FAT4: variants seen among roughly 807,000 people sequenced by gnomAD.
FAT4 encodes protocadherin Fat 4.
FAT4 carries 84 observed loss-of-function variants against 303.9 expected under a neutral mutation model. That is an observed-to-expected ratio of 0.28 (90% CI 0.23 to 0.33). FAT4 has a LOEUF of 0.33. Among genes scored for constraint, FAT4 ranks in the 10% least tolerant of loss-of-function variants. The probability of loss-of-function intolerance (pLI) is 1.00; values close to 1 mark genes in which losing one functional copy is unlikely to be tolerated. For synonymous variants in FAT4, 2,307 were observed against 2,298.8 expected (o/e 1.00, Z -0.10); for missense variants, 6,005 against 6,146.8 (o/e 0.98, Z 0.77).
In FAT4 at chr4:125,317,120, A is replaced by G. The variant is rs778562902; in HGVS notation, c.709A>G (p.Asn237Asp). The G allele has an allele frequency of 1.9e-6, 3 of 1,613,776 alleles. No individual in the cohort carries two copies. In the Middle Eastern group the frequency reaches 5.0e-4, roughly 266 times the overall value. ...TAAGCGGCGGGGCTACCTTCAGGTA[A>G]ACGTGACTGTGCAAGACATTAATGA... ...EPKRRGYLQV[N>D]VTVQDINDNP... is the part of the protein sequence containing the mutation. The change falls in exon 2 of 18, where the codon AAC becomes GAC. Residue 237 changes from asparagine (N) to aspartate (D), a missense_variant. Coordinates refer to ENST00000394329, the MANE Select transcript of FAT4 (RefSeq NM_001291303.3). This position sits in a 1 kb window ranked among gnomAD's most constrained non-coding sequence, Gnocchi z 7.0.
intron 2 of FAT4, among the ~76,000 whole-genome samples, chr4:125,340,992 T>C (rs1055692795): frequency 2.0e-5 from 3 of 152,216 alleles, no homozygotes; most frequent in Non-Finnish European, 4.4e-5. Flanking sequence ...GTGTTATGTG[T>C]TGTTATGTAG....
chr4:125,449,933 A>G lies in FAT4; in HGVS notation c.8923A>G (p.Ile2975Val), dbSNP rs757188187. ...LISETTVTINIVDSNDNAPQF... is the reference protein window; with the variant it reads ...LISETTVTINVVDSNDNAPQF... Reference sequence around the variant, plus strand: ...TAGTGAGACAACAGTTACCATCAATATAGTGGACAGTAATGACAATGCACC... The same window carrying G: ...TAGTGAGACAACAGTTACCATCAATGTAGTGGACAGTAATGACAATGCACC... The change falls in exon 10 of 18, where the codon ATA (isoleucine) becomes GTA (valine). Residue 2975 changes from isoleucine (I) to valine (V), a missense_variant. Transcript: ENST00000394329. The G allele has an allele frequency of 4.3e-6, 7 of 1,613,904 alleles. No individual in the cohort carries two copies. The highest frequency in any genetic ancestry group is 5.9e-6 in the Non-Finnish European group (7 of 1,179,908).
In FAT4 at chr4:125,316,385, A is replaced by C. The variant is rs1201480657; in HGVS notation, c.-12-15A>C. The C allele has an allele frequency of 2.9e-5, 46 of 1,569,418 alleles. No homozygotes were observed. Among genetic ancestry groups the C allele is most frequent in the Non-Finnish European group, 3.7e-5 (43 of 1,156,216 alleles). ...TTTGCTTCACCCCTTCCTTCTCTTT[A>C]TCACATCGTTTTAGGGAGCCAGGAC... On this transcript the variant is annotated splice_polypyrimidine_tract_variant and intron_variant, in intron 1 of 17. Transcript: ENST00000394329. The surrounding 1 kb of genome is among the most constrained non-coding windows in gnomAD (Gnocchi z 5.7).
At chr4:125,489,870 T>TTTTTTTAAA in intron 17 of FAT4, 31 bp from the exon 18 acceptor site, 1 of 1,185,628 alleles carries the variant, frequency 8.4e-7, no homozygotes, top group Non-Finnish European at 1.1e-6. Flanking sequence ...TTTTTTTTTG[T>TTTTTTTAAA]AAAAAGCCTT....
Position 125,449,977 on chromosome 4 carries a change from AT to A in FAT4, c.8968del (p.Tyr2990IlefsTer15). The stretch of plus-strand genomic sequence containing the variant: ...ATGCACCTCAATTTCTTAAAAGTAA[AT>A]ATTTCACTCCAGTCACCAAAAATGT... Reference protein sequence around the residue: ...DNAPQFLKSKYFTPVTKNVKV... With the variant: ...DNAPQFLKSKXFTPVTKNVKV... On this transcript the variant is annotated frameshift_variant, in exon 10 of 18. Transcript: ENST00000394329. LOFTEE classifies it high-confidence loss of function. 1 of 1,613,864 alleles carries A rather than the reference AT, an allele frequency of 6.2e-7. No individual in the cohort carries two copies. The highest frequency in any genetic ancestry group is 8.5e-7 in the Non-Finnish European group (1 of 1,179,926).
intron 17 of FAT4, among the ~76,000 whole-genome samples, chr4:125,489,505 C>T (rs1183576773): frequency 6.6e-6 from 1 of 152,112 alleles, no homozygotes; most frequent in Non-Finnish European, 1.5e-5. Flanking sequence ...TGGCCTATTT[C>T]ATGTTCTTTA....
chr4:125,471,752 A>G (rs1357001203), intron 12 of FAT4, among the ~76,000 whole-genome samples: 1 of 151,852 alleles, frequency 6.6e-6, no homozygotes, highest in African/African-American at 2.4e-5. Flanking sequence ...TTGAGCCTTT[A>G]AAAGTGTAGT....
At chr4:125,352,732 T>G (rs1490857028) in intron 2 of FAT4, among the ~76,000 whole-genome samples, 1 of 151,588 alleles carries the variant, frequency 6.6e-6, no homozygotes, top group Non-Finnish European at 1.5e-5. Flanking sequence ...CTGCCAGTCT[T>G]CTTTGTAGGG....
chr4:125,328,397 G>A (rs770104207), intron 2 of FAT4, among the ~76,000 whole-genome samples: 73 of 152,274 alleles, frequency 4.8e-4, no homozygotes, highest in Admixed American at 1.0e-3. Context: ...CTAATTGGCA[G>A]ATAATTTATA....
chr4:125,408,439 G>T lies in FAT4; in HGVS notation c.5570-5G>T. The T allele has an allele frequency of 6.4e-7, 1 of 1,553,262 alleles. No individual in the cohort carries two copies. The highest frequency in any genetic ancestry group is 1.2e-5 in the South Asian group (1 of 83,368). ...TTTTATACTATTAATTTATTCTTTT[G>T]ATAGGTTCTTTGGTAGCAGCCATTT... On this transcript the variant is annotated splice_polypyrimidine_tract_variant and splice_region_variant and intron_variant, in intron 4 of 17. Coordinates refer to ENST00000394329, the MANE Select transcript of FAT4 (RefSeq NM_001291303.3).
At chr4:125,481,490 T>G (rs923563285) in intron 15 of FAT4, 31 bp from the exon 16 acceptor site, 11 of 1,597,522 alleles carry the variant, frequency 6.9e-6, no homozygotes, top group African/African-American at 2.7e-5. Context: ...AATGAATGCA[T>G]TCATTTTCCC....
chr4:125,433,800 A>G (rs890213016), intron 7 of FAT4, among the ~76,000 whole-genome samples: 2 of 152,202 alleles, frequency 1.3e-5, no homozygotes, highest in Non-Finnish European at 2.9e-5. Context: ...AATTTGTGAT[A>G]GTAACAATGA....
intron 2 of FAT4, among the ~76,000 whole-genome samples, chr4:125,361,715 G>A (rs113608199): frequency 0.062 from 9,405 of 152,208 alleles, 283 homozygotes; most frequent in Middle Eastern, 0.088. Flanking sequence ...TAGAATAGAG[G>A]AGATGTGGGA....
Position 125,448,986 on chromosome 4 carries a change from T to C in FAT4, c.7976T>C (p.Ile2659Thr). 2 of 1,613,914 alleles carry C rather than the reference T, an allele frequency of 1.2e-6. No homozygotes were observed. The highest frequency in any genetic ancestry group is 1.7e-6 in the Non-Finnish European group (2 of 1,179,888). Residue 2659 changes from isoleucine to threonine, a missense_variant, in exon 10 of 18, where the codon ATA (isoleucine) becomes ACA (threonine). By Grantham distance (89) the Ile-to-Thr change is moderately conservative. Transcript: ENST00000394329. Reference sequence around the variant, plus strand: ...TTCTCCTCTTACGAGAAACTTGATATAACAGTATTAGATGTCAATGATAAT... The same window carrying C: ...TTCTCCTCTTACGAGAAACTTGATACAACAGTATTAGATGTCAATGATAAT... ...PPFSSYEKLDITVLDVNDNAP... is the reference protein window; with the variant it reads ...PPFSSYEKLDTTVLDVNDNAP...
chr4:125,450,430 A>T lies in FAT4; in HGVS notation c.9420A>T (p.Ala3140=). 1 of 1,614,094 alleles carries T rather than the reference A, an allele frequency of 6.2e-7. No individual in the cohort carries two copies. Among genetic ancestry groups the T allele is most frequent in the Non-Finnish European group, 8.5e-7 (1 of 1,179,986 alleles). The change falls in exon 10 of 18, where the codon GCA becomes GCT. Residue 3140 remains alanine, a synonymous_variant. Transcript: ENST00000394329. ...CAGGAAATGAAGAAGGCATTTTTGCAATCAATTCTTCTACAGGTATATTAA... is the reference window on the plus strand; with the variant it reads ...CAGGAAATGAAGAAGGCATTTTTGCTATCAATTCTTCTACAGGTATATTAA... ...ISSGNEEGIF[A]INSSTGILTL... is the part of the protein sequence containing the mutation.
chr4:125,431,102 A>G (rs561314582), intron 7 of FAT4, among the ~76,000 whole-genome samples: 1 of 152,334 alleles, frequency 6.6e-6, no homozygotes, highest in South Asian at 2.1e-4. Context: ...AAGAAATCAC[A>G]TATTCTTGTC....
intron 12 of FAT4, among the ~76,000 whole-genome samples, chr4:125,475,302 A>G (rs1458716344): frequency 1.3e-5 from 2 of 152,042 alleles, no homozygotes; most frequent in Non-Finnish European, 2.9e-5. Flanking sequence ...TTGGTCTTAG[A>G]CTGCACTGCA....
In FAT4 at chr4:125,469,363, A is replaced by G. The variant is rs1726782473; in HGVS notation, c.12213+544A>G. 2.0e-5 allele frequency among the ~76,000 whole-genome samples: 3 copies of G among 152,202 alleles called. No individual in the cohort carries two copies. The South Asian group carries it at 6.2e-4, about 31-fold the overall frequency. Reference sequence around the variant, plus strand: ...GGGGGCTATGGAAATGTCTTAAAATAAAACAACAGGAAACGTTGTCACATT... The same window carrying G: ...GGGGGCTATGGAAATGTCTTAAAATGAAACAACAGGAAACGTTGTCACATT... On this transcript the variant is annotated intron_variant, in intron 12 of 17. Coordinates refer to ENST00000394329, the MANE Select transcript of FAT4 (RefSeq NM_001291303.3).
intron 8 of FAT4, among the ~76,000 whole-genome samples, chr4:125,443,916 A>G (rs1015297527): frequency 7.2e-5 from 11 of 152,168 alleles, no homozygotes; most frequent in Non-Finnish European, 1.6e-4. Context: ...TATTTTTAAA[A>G]TTAGAAGTAT....
Sources: gnomAD v4.1 joint callset for allele counts (sites outside exome capture counted in the v4.1 genomes callset) on GRCh38, gnomAD v4.1.1 for gene constraint, Gnocchi (gnomAD v3.1) non-coding constraint, MANE v1.5 for transcripts, NCBI Gene and HGNC (gene_info 2026-07-23, HGNC 2026-07-21) for gene names.